The following BPI variants were observed in gnomAD, a reference collection of about 807,000 sequenced individuals.
BPI encodes bactericidal permeability increasing protein, also known as bactericidal permeability-increasing protein.
A neutral mutation model predicts 57.6 loss-of-function variants in BPI; 48 were observed. The observed-to-expected ratio is 0.83, with a 90% CI of 0.66 to 1.06. The LOEUF is 1.06. BPI is among the 50% of genes least tolerant of loss of function. BPI has a pLI of 0.00. For synonymous variants in BPI, 237 were observed against 238.2 expected, an observed-to-expected ratio of 0.99 and a Z score of 0.05; for missense variants, 651 against 609.7, an observed-to-expected ratio of 1.07 and a Z score of -0.71.
intron 14 of BPI, among the ~76,000 whole-genome samples, chr20:38,336,872 G>A (rs1351614085): frequency 2.6e-5 from 4 of 152,198 alleles, no homozygotes; most frequent in African/African-American, 9.7e-5. Context: ...CCATGAGGCA[G>A]GGACGACAAA....
At chr20:38,318,911 C>T (rs1328599928) in intron 6 of BPI, among the ~76,000 whole-genome samples, 1 of 152,158 alleles carries the variant, frequency 6.6e-6, no homozygotes, top group African/African-American at 2.4e-5. Flanking sequence ...AGCCTCCCAA[C>T]ACTCCCCTGA....
chr20:38,324,106 T>C, intron 8 of BPI, 60 bp downstream of exon 8: 1 of 1,555,974 alleles, frequency 6.4e-7, no homozygotes, highest in Non-Finnish European at 8.7e-7. Flanking sequence ...CTGCAGACCT[T>C]CCAGACAAAT....
At chr20:38,327,091 A>G (rs2076717269) in intron 10 of BPI, among the ~76,000 whole-genome samples, 1 of 152,176 alleles carries the variant, frequency 6.6e-6, no homozygotes, top group Admixed American at 6.5e-5. Context: ...CCATATGGCC[A>G]CTGAGGGTGT....
At chr20:38,316,736 G>A (rs1236942479) in intron 5 of BPI, among the ~76,000 whole-genome samples, 1 of 152,150 alleles carries the variant, frequency 6.6e-6, no homozygotes, top group Non-Finnish European at 1.5e-5. Context: ...GAAGGCTGGG[G>A]TATTTGTCTA....
intron 5 of BPI, chr20:38,317,726 G>T: frequency 9.2e-7 from 1 of 1,082,236 alleles, no homozygotes; most frequent in Non-Finnish European, 1.4e-6. Flanking sequence ...AAGAGCAAAT[G>T]GAATGGAAAA....
intron 5 of BPI, among the ~76,000 whole-genome samples, chr20:38,312,139 T>C (rs1188061297): frequency 6.6e-6 from 1 of 151,992 alleles, no homozygotes; most frequent in East Asian, 1.9e-4. Flanking sequence ...AGACAATCAC[T>C]TCCCACACTC....
chr20:38,334,990 AGTACT>A (rs2076760187), intron 13 of BPI, among the ~76,000 whole-genome samples: 1 of 152,156 alleles, frequency 6.6e-6, no homozygotes, highest in African/African-American at 2.4e-5. Flanking sequence ...GAGGGGCAAA[AGTACT>A]AATAGAGGCC....
Position 38,324,844 on chromosome 20 carries a change from C to T in BPI, c.993+11C>T, listed in dbSNP as rs769822783. The T allele has an allele frequency of 2.3e-5, 37 of 1,606,560 alleles. No individual in the cohort carries two copies. Among genetic ancestry groups the T allele is most frequent in the Non-Finnish European group, 2.9e-5 (34 of 1,173,316 alleles). On this transcript the variant is annotated intron_variant, in intron 9 of 14. Coordinates refer to ENST00000642449, the MANE Select transcript of BPI (RefSeq NM_001725.3). ...ACCTTCCTACCTGAGGTATGGAAGA[C>T]CTTGCTTTCCTTTAGTGAGCCCCGG...
At chr20:38,322,811 T>C (rs2076693213) in intron 7 of BPI, among the ~76,000 whole-genome samples, 1 of 152,206 alleles carries the variant, frequency 6.6e-6, no homozygotes, top group African/African-American at 2.4e-5. Context: ...GGTTTCACCG[T>C]GTTGGCCAGG....
intron 1 of BPI, among the ~76,000 whole-genome samples, chr20:38,305,784 G>C (rs1651592929): frequency 6.6e-6 from 1 of 152,144 alleles, no homozygotes; most frequent in Admixed American, 6.5e-5. Context: ...TCCTAGGATT[G>C]TACAAATTCA....
intron 8 of BPI, 91 bp from the exon 9 acceptor site, chr20:38,324,683 C>A: frequency 9.7e-7 from 1 of 1,028,756 alleles, no homozygotes; most frequent in Non-Finnish European, 1.5e-6. Flanking sequence ...TCTGTGTGTG[C>A]AGTCAGCCTC....
intron 2 of BPI, 91 bp from the exon 3 acceptor site, chr20:38,308,839 G>C: frequency 2.0e-6 from 3 of 1,508,088 alleles, no homozygotes; most frequent in Non-Finnish European, 2.7e-6. Context: ...CAGGTGGTGG[G>C]GGACGAGTCT....
chr20:38,307,554 C>T lies in BPI; in HGVS notation c.131-13C>T. 6.3e-7 allele frequency: 1 copy of T among 1,593,224 alleles called. No homozygotes were observed. The highest frequency in any genetic ancestry group is 1.1e-5 in the South Asian group (1 of 88,298). On this transcript the variant is annotated splice_polypyrimidine_tract_variant and intron_variant, in intron 1 of 14. Coordinates refer to ENST00000642449, the MANE Select transcript of BPI (RefSeq NM_001725.3). The stretch of plus-strand genomic sequence containing the variant: ...CTGTGCCTCTCACTGTCACCCCTGC[C>T]TTCTCCCTTCAGCCAGCCAGCAGGG...
rs1195125995 is a variant in BPI, at chr20:38,309,043, C to G, written c.359C>G (p.Ala120Gly). Residue 120 changes from alanine (A) to glycine (G), a missense_variant, in exon 3 of 15, where the codon GCA becomes GGA. Coordinates refer to ENST00000642449, the MANE Select transcript of BPI (RefSeq NM_001725.3). Reference sequence around the variant, plus strand: ...ATCAAGATCAGCGGGAAATGGAAGGCACAAAAGAGATTCTTGTGCGTTTCC... The same window carrying G: ...ATCAAGATCAGCGGGAAATGGAAGGGACAAAAGAGATTCTTGTGCGTTTCC... ...ANIKISGKWK[A>G]QKRFLKMSGN... is the part of the protein sequence containing the mutation. 1.2e-6 allele frequency: 2 copies of G among 1,614,134 alleles called. No homozygotes were observed. The highest frequency in any genetic ancestry group is 3.3e-5 in the Admixed American group (2 of 60,026).
At chr20:38,323,473 T>C (rs913642380) in intron 7 of BPI, among the ~76,000 whole-genome samples, 11 of 152,234 alleles carry the variant, frequency 7.2e-5, no homozygotes, top group Admixed American at 2.6e-4. Flanking sequence ...AGGATTTCAC[T>C]GTTCTTTTCG....
Position 38,337,190 on chromosome 20 carries a change from C to T in BPI, c.*6C>T. ...CAGACGTTGTCTATAAATGAAGGCA[C>T]CAGGGGTGCCGGGGGCTGTCAGCCA... On this transcript the variant is annotated 3_prime_UTR_variant, in exon 15 of 15. Transcript: ENST00000642449. 1 of 1,586,246 alleles carries T rather than the reference C, an allele frequency of 6.3e-7. No individual in the cohort carries two copies. The highest frequency in any genetic ancestry group is 8.6e-7 in the Non-Finnish European group (1 of 1,169,116).
intron 5 of BPI, chr20:38,317,725 T>C: frequency 9.3e-7 from 1 of 1,079,824 alleles, no homozygotes; most frequent in Non-Finnish European, 1.4e-6. Context: ...GAAGAGCAAA[T>C]GGAATGGAAA....
In BPI at chr20:38,324,061, T is replaced by C; in HGVS notation, c.933+15T>C. On this transcript the variant is annotated intron_variant, in intron 8 of 14. Coordinates refer to ENST00000642449, the MANE Select transcript of BPI (RefSeq NM_001725.3). Reference sequence around the variant, plus strand: ...GAGATGACATGGTAAGGCCGGGCTCTGGGTGGGTGTGGGAAGAGCACTGGA... The same window carrying C: ...GAGATGACATGGTAAGGCCGGGCTCCGGGTGGGTGTGGGAAGAGCACTGGA... 1.2e-6 allele frequency: 2 copies of C among 1,612,458 alleles called. No individual in the cohort carries two copies. The highest frequency in any genetic ancestry group is 1.7e-6 in the Non-Finnish European group (2 of 1,179,656).
chr20:38,331,395 C>T (rs1454790586), intron 12 of BPI, among the ~76,000 whole-genome samples: 2 of 152,186 alleles, frequency 1.3e-5, no homozygotes. Context: ...TAGAGAAAAT[C>T]TGCTCAACAA....
Sources: allele counts gnomAD v4.1 joint callset (sites outside exome capture counted in the v4.1 genomes callset), GRCh38; gene constraint gnomAD v4.1.1; transcripts MANE v1.5; gene names NCBI Gene and HGNC (gene_info 2026-07-23, HGNC 2026-07-21).